SPOCK1: variants seen among roughly 807,000 people sequenced by gnomAD.
The protein encoded by SPOCK1 is SPARC (osteonectin), cwcv and kazal like domains proteoglycan 1.
Under a neutral mutation model 55.3 loss-of-function variants are expected in SPOCK1, and 23 were observed. That is an observed-to-expected ratio of 0.42 (90% CI 0.30 to 0.59). The LOEUF is 0.59. Among genes scored for constraint, SPOCK1 ranks in the 20% least tolerant of loss-of-function variants. The probability of loss-of-function intolerance (pLI) is 0.22; values close to 1 mark genes in which losing one functional copy is unlikely to be tolerated. For missense variants in SPOCK1, 499 were observed against 552.5 expected (o/e 0.90, Z 0.97); for synonymous variants, 226 against 221.0 (o/e 1.02, Z -0.20).
At chr5:137,255,451 T>G (rs1045299987) in intron 3 of SPOCK1, among the ~76,000 whole-genome samples, 1 of 152,244 alleles carries the variant, frequency 6.6e-6, no homozygotes, top group East Asian at 1.9e-4. Flanking sequence ...AATTTACTTA[T>G]ACTCAAATGT....
rs1362158953 is a variant in SPOCK1 at position 136,978,184 on chromosome 5, G to A, written c.*470C>T. The stretch of plus-strand genomic sequence containing the variant: ...CGGGGGCAGGGGGAAAAAGTACAGT[G>A]TGGTGTATTTTTTGTTTTTTTCTTT... On this transcript the variant is annotated 3_prime_UTR_variant, in exon 11 of 11. Coordinates refer to ENST00000394945, the MANE Select transcript of SPOCK1 (RefSeq NM_004598.4). 5.5e-6 allele frequency: 2 copies of A among 366,594 alleles called. No individual in the cohort carries two copies. Among genetic ancestry groups the A allele is most frequent in the Non-Finnish European group, 9.7e-6 (2 of 206,788 alleles). The allele number at this position is 366,594 out of a possible 1,614,324, so 22.7% of individuals were successfully genotyped here.
At chr5:137,015,224 G>A (rs1174285925) in intron 6 of SPOCK1, among the ~76,000 whole-genome samples, 4 of 151,322 alleles carry the variant, frequency 2.6e-5, no homozygotes, top group East Asian at 3.9e-4. Context: ...GGCAGATCAC[G>A]AGGTCAGGAG....
chr5:136,979,627 G>T, intron 9 of SPOCK1, 158 bp from the exon 10 acceptor site: 1 of 904,886 alleles, frequency 1.1e-6, no homozygotes, highest in Non-Finnish European at 1.6e-6. Flanking sequence ...AAATTACAGG[G>T]CCCTTAACCT....
chr5:137,140,026 G>T lies in SPOCK1; in HGVS notation c.347+554C>A, dbSNP rs1472178256. On this transcript the variant is annotated intron_variant, in intron 4 of 10. Transcript: ENST00000394945. The stretch of plus-strand genomic sequence containing the variant: ...CTTCCCCCTGGGCTGGGGAAAAGAG[G>T]ATATCAGGGGCTGTACCCTGAGGAA... Among the ~76,000 whole-genome samples the T allele has an allele frequency of 4.6e-5, 7 of 152,284 alleles. No individual in the cohort carries two copies. The East Asian group carries it at 1.4e-3, about 29-fold the overall frequency.
At chr5:137,072,056 G>A (rs962993076) in intron 5 of SPOCK1, among the ~76,000 whole-genome samples, 7 of 152,192 alleles carry the variant, frequency 4.6e-5, no homozygotes, top group African/African-American at 1.7e-4. Context: ...GGTTTATAAA[G>A]CACAGATCTT....
At chr5:137,097,087 C>A (rs558745866) in intron 5 of SPOCK1, among the ~76,000 whole-genome samples, 5 of 152,172 alleles carry the variant, frequency 3.3e-5, no homozygotes, top group African/African-American at 1.2e-4. Context: ...ACACAGCAGA[C>A]AGTAATGTAG....
At chr5:136,995,683 TAGTC>T (rs1561574370) in intron 6 of SPOCK1, among the ~76,000 whole-genome samples, 1 of 152,222 alleles carries the variant, frequency 6.6e-6, no homozygotes. Flanking sequence ...CAAGATGAAT[TAGTC>T]AGTCGTGTTT....
intron 2 of SPOCK1, among the ~76,000 whole-genome samples, chr5:137,484,153 T>C (rs1262165788): frequency 6.6e-6 from 1 of 152,204 alleles, no homozygotes; most frequent in Non-Finnish European, 1.5e-5. Flanking sequence ...AAAACATCTA[T>C]ACATTGCACC....
chr5:137,431,451 A>C (rs1474479056), intron 2 of SPOCK1, among the ~76,000 whole-genome samples: 1 of 152,220 alleles, frequency 6.6e-6, no homozygotes, highest in Non-Finnish European at 1.5e-5. Flanking sequence ...TGCTGTTAGG[A>C]ATAAGTGAGA....
At chr5:137,097,482 A>T (rs1445369893) in intron 5 of SPOCK1, among the ~76,000 whole-genome samples, 1 of 152,180 alleles carries the variant, frequency 6.6e-6, no homozygotes, top group Admixed American at 6.5e-5. Context: ...AGCTCAATTC[A>T]CCTGCCTCAG....
intron 2 of SPOCK1, among the ~76,000 whole-genome samples, chr5:137,434,953 T>C (rs1162309220): frequency 6.6e-6 from 1 of 152,200 alleles, no homozygotes; most frequent in Non-Finnish European, 1.5e-5. Context: ...GAAGAAAATA[T>C]GGAAAACATG....
At chr5:137,039,270 CTTT>C (rs11479277) in intron 6 of SPOCK1, among the ~76,000 whole-genome samples, 1 of 88,896 alleles carries the variant, frequency 1.1e-5, no homozygotes, top group African/African-American at 3.7e-5. Context: ...GCCTGCCACA[CTTT>C]TTTTTTTTTT....
intron 2 of SPOCK1, among the ~76,000 whole-genome samples, chr5:137,379,690 A>G (rs936570572): frequency 6.6e-6 from 1 of 152,188 alleles, no homozygotes; most frequent in African/African-American, 2.4e-5. Context: ...TAAATCACAC[A>G]TGAAATCAGC....
chr5:137,372,321 T>C (rs1189447483), intron 2 of SPOCK1, among the ~76,000 whole-genome samples: 1 of 152,220 alleles, frequency 6.6e-6, no homozygotes, highest in African/African-American at 2.4e-5. Context: ...CTGAATCCAC[T>C]GAACCCCACA....
chr5:137,311,711 T>C (rs1174572687), intron 2 of SPOCK1, among the ~76,000 whole-genome samples: 7 of 152,078 alleles, frequency 4.6e-5, no homozygotes, highest in Non-Finnish European at 7.3e-5. Context: ...AATTTTAAAA[T>C]AATCACCTGA....
intron 2 of SPOCK1, among the ~76,000 whole-genome samples, chr5:137,406,392 T>C (rs1299520194): frequency 6.6e-6 from 1 of 152,194 alleles, no homozygotes; most frequent in Non-Finnish European, 1.5e-5. Flanking sequence ...GCCCACGACA[T>C]TGAAGGCAAC....
intron 2 of SPOCK1, among the ~76,000 whole-genome samples, chr5:137,476,311 C>G (rs1483472711): frequency 6.6e-6 from 1 of 152,042 alleles, no homozygotes; most frequent in East Asian, 1.9e-4. Context: ...AAAAGAGAAG[C>G]AGAGAACAAA....
chr5:137,141,389 T>C (rs1426930051), intron 3 of SPOCK1, among the ~76,000 whole-genome samples: 1 of 152,252 alleles, frequency 6.6e-6, no homozygotes, highest in African/African-American at 2.4e-5. Flanking sequence ...ACTTATTTCC[T>C]ATGAAAAGTC....
intron 3 of SPOCK1, among the ~76,000 whole-genome samples, chr5:137,225,902 GC>G (rs1426712495): frequency 3.3e-5 from 5 of 152,202 alleles, no homozygotes; most frequent in Non-Finnish European, 4.4e-5. Context: ...AAGAAGTCTA[GC>G]CCTCAAGGAC....
Sources: gnomAD v4.1 joint callset for allele counts (sites outside exome capture counted in the v4.1 genomes callset) on GRCh38, gnomAD v4.1.1 for gene constraint, MANE v1.5 for transcripts, NCBI Gene and HGNC (gene_info 2026-07-23, HGNC 2026-07-21) for gene names.